The following EFCAB5 variants were observed in gnomAD, a reference collection of about 807,000 sequenced individuals.
EFCAB5 encodes EF-hand calcium-binding domain-containing protein 5.
Under a neutral mutation model 167.9 loss-of-function variants are expected in EFCAB5, and 131 were observed. That is an observed-to-expected ratio of 0.78 (90% CI 0.68 to 0.90). The LOEUF is 0.90. Among genes scored for constraint, EFCAB5 ranks in the 40% least tolerant of loss-of-function variants. EFCAB5 has a pLI of 0.00. For missense variants in EFCAB5, 1,663 were observed against 1,745.2 expected, an observed-to-expected ratio of 0.95 and a Z score of 0.84; for synonymous variants, 574 against 602.8, an observed-to-expected ratio of 0.95 and a Z score of 0.70.
At chr17:30,035,909 T>C (rs1201562393) in intron 8 of EFCAB5, among the ~76,000 whole-genome samples, 2 of 151,556 alleles carry the variant, frequency 1.3e-5, no homozygotes, top group African/African-American at 2.4e-5. Context: ...AGAGGAAAGA[T>C]AGAGTCTCAA....
intron 8 of EFCAB5, among the ~76,000 whole-genome samples, chr17:30,046,309 A>C (rs935886896): frequency 2.0e-5 from 3 of 152,156 alleles, no homozygotes; most frequent in African/African-American, 7.2e-5. Flanking sequence ...CCTATTAAAG[A>C]AAAAAGCTTT....
intron 22 of EFCAB5, among the ~76,000 whole-genome samples, chr17:30,102,992 C>T (rs1000568234): frequency 2.4e-4 from 37 of 151,536 alleles, no homozygotes; most frequent in African/African-American, 9.0e-4. Context: ...GCCCACACCA[C>T]CATGCCCAGC....
Position 29,942,280 on chromosome 17 carries a change from C to T in EFCAB5, c.83C>T (p.Thr28Ile), listed in dbSNP as rs1377182586. 6.3e-7 allele frequency: 1 copy of T among 1,591,286 alleles called. No homozygotes were observed. The highest frequency in any genetic ancestry group is 1.3e-5 in the African/African-American group (1 of 74,454). ...GACAAAGAGAGGAAATGGAACTTAACTGAAGTGAAAGAGCTTCATGAGGTA... is the reference window on the plus strand; with the variant it reads ...GACAAAGAGAGGAAATGGAACTTAATTGAAGTGAAAGAGCTTCATGAGGTA... ...KEDKERKWNL[T>I]EVKELHETLQ... is the part of the protein sequence containing the mutation. The change falls in exon 2 of 23, where the codon ACT (threonine) becomes ATT (isoleucine). Residue 28 changes from threonine (T) to isoleucine (I), a missense_variant. Transcript: ENST00000394835.
chr17:30,105,262 G>C (rs997658185), intron 22 of EFCAB5, among the ~76,000 whole-genome samples: 1 of 152,066 alleles, frequency 6.6e-6, no homozygotes, highest in Non-Finnish European at 1.5e-5. Flanking sequence ...TTGGGAGGCC[G>C]GATCATCTGA....
At chr17:30,051,241 T>G in intron 9 of EFCAB5, 24 bp downstream of exon 9, 1 of 1,606,912 alleles carries the variant, frequency 6.2e-7, no homozygotes, top group Middle Eastern at 1.7e-4. Context: ...AGAGGGAGTA[T>G]GTTCAAGCTG....
In EFCAB5 at chr17:30,070,334, T is replaced by TA. The variant is rs998259343; in HGVS notation, c.2738-7872dup. Among the ~76,000 whole-genome samples the TA allele has an allele frequency of 6.0e-5, 9 of 151,088 alleles. 1 individual carries two copies. Among genetic ancestry groups the TA allele is most frequent in the Admixed American group, 2.0e-4 (3 of 15,160 alleles). ...ATACCAATAGCATTTTTCATAGAAA[T>TA]AAAAAAAAATTCTAAAATTCATATG... is the stretch of plus-strand genomic sequence containing the variant. On this transcript the variant is annotated intron_variant, in intron 14 of 22. Coordinates refer to ENST00000394835, the MANE Select transcript of EFCAB5 (RefSeq NM_198529.4).
chr17:30,068,979 A>C lies in EFCAB5; in HGVS notation c.2738-9236A>C. On this transcript the variant is annotated intron_variant, in intron 14 of 22. Coordinates refer to ENST00000394835, the MANE Select transcript of EFCAB5 (RefSeq NM_198529.4). ...AAGCAATTCAACAACTACGAACAGA[A>C]GCTCACAAGGAGATACATTCCCAGC... The C allele has an allele frequency of 2.0e-6, 3 of 1,474,906 alleles. No homozygotes were observed. The East Asian group carries it at 6.8e-5, about 33-fold the overall frequency. 91.4% of individuals were successfully genotyped at this position (1,474,906 alleles called of 1,614,324 possible). A position where few individuals can be genotyped will look rare whatever the true frequency, so the allele number is the denominator to read the frequency against.
At chr17:30,055,776 T>C (rs2070244405) in intron 10 of EFCAB5, 112 bp from the exon 11 acceptor site, 2 of 1,091,214 alleles carry the variant, frequency 1.8e-6, no homozygotes, top group Non-Finnish European at 2.6e-6. Context: ...GGGAAAGTAC[T>C]TAGAGTTTTT....
chr17:30,095,002 C>CCT (rs778733513), intron 22 of EFCAB5, among the ~76,000 whole-genome samples: 4 of 152,100 alleles, frequency 2.6e-5, no homozygotes, highest in Non-Finnish European at 5.9e-5. Context: ...ACGTGACCAC[C>CCT]CTCTCAAGGA....
chr17:30,012,556 C>T (rs1202669863), intron 7 of EFCAB5, among the ~76,000 whole-genome samples: 2 of 152,196 alleles, frequency 1.3e-5, no homozygotes, highest in African/African-American at 4.8e-5. Context: ...TTACCTATCA[C>T]TGGAGATGGC....
At chr17:30,057,247 T>C (rs1653196808) in intron 12 of EFCAB5, among the ~76,000 whole-genome samples, 1 of 152,174 alleles carries the variant, frequency 6.6e-6, no homozygotes, top group African/African-American at 2.4e-5. Context: ...TCACTTTCAA[T>C]TGAGACAGTT....
At position 30,059,566 on chromosome 17, in the gene EFCAB5, G is replaced by C. The variant is rs2070368801; in HGVS notation, c.2602G>C (p.Val868Leu). 1 of 1,606,380 alleles carries C rather than the reference G, an allele frequency of 6.2e-7. No homozygotes were observed. Among genetic ancestry groups the C allele is most frequent in the Non-Finnish European group, 8.5e-7 (1 of 1,176,212 alleles). ...LEQFSQNAFQ[V>L]RQRLLLEAIF... ...CTAGTTTAGCCAAAATGCTTTCCAA[G>C]TCCGACAGAGGCTTCTCCTAGAAGC... The change falls in exon 14 of 23, where the codon GTC (valine) becomes CTC (leucine). Residue 868 changes from valine to leucine, a missense_variant. Coordinates refer to ENST00000394835, the MANE Select transcript of EFCAB5 (RefSeq NM_198529.4).
At chr17:29,961,324 G>C (rs2067715562) in intron 3 of EFCAB5, among the ~76,000 whole-genome samples, 1 of 152,174 alleles carries the variant, frequency 6.6e-6, no homozygotes, top group South Asian at 2.1e-4. Context: ...TTGTTATTGA[G>C]TTTTAGAAGT....
intron 7 of EFCAB5, chr17:30,031,996 C>G (rs1336368160): frequency 6.6e-6 from 1 of 151,746 alleles, no homozygotes; most frequent in African/African-American, 2.4e-5. Flanking sequence ...GCCACTGCAC[C>G]ATTGCACTCC....
chr17:30,003,107 G>C (rs546942865), intron 7 of EFCAB5, among the ~76,000 whole-genome samples: 8 of 139,096 alleles, frequency 5.8e-5, no homozygotes, highest in Admixed American at 1.4e-4. Flanking sequence ...AGCGGGGGGG[G>C]GGTCTGATAT....
chr17:30,095,257 A>G (rs1028694841), intron 22 of EFCAB5, among the ~76,000 whole-genome samples: 3 of 152,120 alleles, frequency 2.0e-5, no homozygotes, highest in Admixed American at 2.0e-4. Context: ...CCAAGTGTTT[A>G]CAAGTCCACA....
chr17:30,059,506 A>G lies in EFCAB5; in HGVS notation c.2581-39A>G, dbSNP rs533070311. On this transcript the variant is annotated intron_variant, in intron 13 of 22. Transcript: ENST00000394835. ...CAGAATGCTAGCTAGCACAATGAACATATATCTTCCGTGCTTTATTATCCT... is the reference window on the plus strand; with the variant it reads ...CAGAATGCTAGCTAGCACAATGAACGTATATCTTCCGTGCTTTATTATCCT... 11 of 1,535,062 alleles carry G rather than the reference A, an allele frequency of 7.2e-6. No individual in the cohort carries two copies. The African/African-American group carries it at 8.3e-5, about 12-fold the overall frequency.
At chr17:30,078,093 A>G in intron 14 of EFCAB5, 122 bp from the exon 15 acceptor site, 1 of 1,028,722 alleles carries the variant, frequency 9.7e-7, no homozygotes, top group Admixed American at 2.9e-5. Flanking sequence ...CCTTTGGTAT[A>G]CTTGGTTTTC....
At chr17:29,994,207 C>T (rs529710253) in intron 5 of EFCAB5, among the ~76,000 whole-genome samples, 6 of 143,608 alleles carry the variant, frequency 4.2e-5, no homozygotes, top group Non-Finnish European at 6.1e-5. Flanking sequence ...TGCACACACA[C>T]GCGGTGGGGG....
Sources: gnomAD v4.1 joint callset for allele counts (sites outside exome capture counted in the v4.1 genomes callset) on GRCh38, gnomAD v4.1.1 for gene constraint, MANE v1.5 for transcripts, NCBI Gene and HGNC (gene_info 2026-07-23, HGNC 2026-07-21) for gene names.